GGACT: variants seen among roughly 807,000 people sequenced by gnomAD.
GGACT encodes gamma-glutamylaminecyclotransferase.
For missense variants in GGACT, 241 were observed against 233.2 expected (o/e 1.03, Z -0.22); for synonymous variants, 118 against 115.3 (o/e 1.02, Z -0.15).
At chr13:100,559,507 A>AT (rs1424684562) in intron 2 of GGACT, among the ~76,000 whole-genome samples, 1 of 149,464 alleles carries the variant, frequency 6.7e-6, no homozygotes, top group Non-Finnish European at 1.5e-5. Context: ...ATTTTTATTT[A>AT]TTTTTGAGAC....
intron 2 of GGACT, chr13:100,580,188 G>A (rs1388311832): frequency 6.6e-6 from 1 of 152,260 alleles, no homozygotes; most frequent in African/African-American, 2.4e-5. Context: ...ACAGAACAAA[G>A]GTCCCCAGCA....
At position 100,532,421 on chromosome 13, in the gene GGACT, G is replaced by A. The variant is rs753609413; in HGVS notation, c.171C>T (p.Pro57=). The change falls in exon 3 of 3, where the codon CCC becomes CCT. Residue 57 remains proline, a synonymous_variant. Transcript: ENST00000683975. The part of the protein sequence containing the change: ...EHNIPWLLHL[P]GSGRLVEGEV... ...CGCCCTCCACGAGGCGCCCCGAGCCGGGCAGGTGCAGCAGCCACGGGATGT... is the reference window on the plus strand; with the variant it reads ...CGCCCTCCACGAGGCGCCCCGAGCCAGGCAGGTGCAGCAGCCACGGGATGT... 2.1e-5 allele frequency: 33 copies of A among 1,549,946 alleles called. No individual in the cohort carries two copies. Among genetic ancestry groups the A allele is most frequent in the South Asian group, 5.9e-5 (5 of 84,064 alleles).
At position 100,530,248 on chromosome 13, in the gene GGACT, T is replaced by C. The variant is rs2088307005; in HGVS notation, c.*1882A>G. 1 of 1,095,716 alleles carries C rather than the reference T, an allele frequency of 9.1e-7. No homozygotes were observed. The highest frequency in any genetic ancestry group is 1.8e-5 in the Admixed American group (1 of 56,320). The allele number at this position is 1,095,716 out of a possible 1,614,324, so 67.9% of individuals were successfully genotyped here. On this transcript the variant is annotated 3_prime_UTR_variant, in exon 3 of 3. Transcript: ENST00000683975. ...TCACACACAATTGATTCAAGCATTA[T>C]ACAGGAACACCCCTGTGCAGCTACG...
intron 2 of GGACT, among the ~76,000 whole-genome samples, chr13:100,558,595 T>G (rs1360526531): frequency 6.6e-6 from 1 of 152,230 alleles, no homozygotes; most frequent in East Asian, 1.9e-4. Flanking sequence ...TGACAGTGTC[T>G]TTAAAGTTAA....
chr13:100,560,173 G>A (rs78305070), intron 2 of GGACT, among the ~76,000 whole-genome samples: 103 of 152,210 alleles, frequency 6.8e-4, no homozygotes, highest in African/African-American at 2.4e-3. Context: ...GAATGCGGTC[G>A]TGATTACATG....
At chr13:100,565,650 A>G (rs1280397726) in intron 2 of GGACT, among the ~76,000 whole-genome samples, 2 of 151,948 alleles carry the variant, frequency 1.3e-5, no homozygotes, top group African/African-American at 4.8e-5. Flanking sequence ...TTCCCCACTC[A>G]ATTCTGTCCT....
At chr13:100,576,289 A>G (rs1223627292) in intron 2 of GGACT, among the ~76,000 whole-genome samples, 1 of 152,262 alleles carries the variant, frequency 6.6e-6, no homozygotes, top group Non-Finnish European at 1.5e-5. Flanking sequence ...CACCAAATTG[A>G]TAACATGAGA....
rs1463727929 is a variant in GGACT, at chr13:100,530,209, T to C, written c.*1921A>G. The C allele has an allele frequency of 2.1e-6, 3 of 1,432,762 alleles. No homozygotes were observed. In the East Asian group the frequency reaches 6.8e-5, roughly 33 times the overall value. 88.8% of individuals were successfully genotyped at this position (1,432,762 alleles called of 1,614,324 possible). On this transcript the variant is annotated 3_prime_UTR_variant, in exon 3 of 3. Coordinates refer to ENST00000683975, the MANE Select transcript of GGACT (RefSeq NM_001195087.2). ...AGTCATCACCCAATTTAATTAGCCA[T>C]TTGCATGATGCTTTCACACACAATT...
At chr13:100,550,320 A>T (rs868519759) in intron 2 of GGACT, among the ~76,000 whole-genome samples, 6 of 118,750 alleles carry the variant, frequency 5.1e-5, no homozygotes, top group Non-Finnish European at 9.3e-5. Context: ...ACACACACAC[A>T]CACACACACA....
At chr13:100,543,442 G>A (rs1157015669) in intron 2 of GGACT, among the ~76,000 whole-genome samples, 1 of 152,014 alleles carries the variant, frequency 6.6e-6, no homozygotes, top group Non-Finnish European at 1.5e-5. Flanking sequence ...TCTTGACCTT[G>A]TGATCCGCCC....
At chr13:100,582,719 G>A (rs1352078298) in intron 2 of GGACT, among the ~76,000 whole-genome samples, 1 of 152,186 alleles carries the variant, frequency 6.6e-6, no homozygotes, top group African/African-American at 2.4e-5. Flanking sequence ...TCTCCCTAGA[G>A]CCTCCAGACA....
chr13:100,572,028 G>T (rs989563313), intron 2 of GGACT, among the ~76,000 whole-genome samples: 2 of 152,120 alleles, frequency 1.3e-5, no homozygotes, highest in African/African-American at 4.8e-5. Context: ...AACCTTTTGT[G>T]TGCAGGAAAA....
chr13:100,576,467 T>A (rs556284216), intron 2 of GGACT, among the ~76,000 whole-genome samples: 1 of 152,204 alleles, frequency 6.6e-6, no homozygotes, highest in Non-Finnish European at 1.5e-5. Flanking sequence ...GATGAAAACT[T>A]TTCTTCAGAT....
At chr13:100,554,203 C>T (rs956327144) in intron 2 of GGACT, among the ~76,000 whole-genome samples, 1 of 152,146 alleles carries the variant, frequency 6.6e-6, no homozygotes, top group Non-Finnish European at 1.5e-5. Context: ...GTTGCCCACC[C>T]TTCCTTTATG....
At chr13:100,553,773 A>G (rs1341584131) in intron 2 of GGACT, among the ~76,000 whole-genome samples, 1 of 150,838 alleles carries the variant, frequency 6.6e-6, no homozygotes, top group Non-Finnish European at 1.5e-5. Context: ...GCACCAGTGA[A>G]GCAGAGGTTG....
At chr13:100,557,792 A>G (rs1465050751) in intron 2 of GGACT, among the ~76,000 whole-genome samples, 2 of 152,206 alleles carry the variant, frequency 1.3e-5, no homozygotes, top group Non-Finnish European at 2.9e-5. Context: ...TAGACAGAGA[A>G]AATATCTACA....
intron 2 of GGACT, among the ~76,000 whole-genome samples, chr13:100,582,995 C>A (rs776652095): frequency 5.9e-5 from 9 of 151,922 alleles, no homozygotes; most frequent in Non-Finnish European, 1.2e-4. Flanking sequence ...CTATTTTTTT[C>A]TTGGTAAAAA....
At chr13:100,550,094 G>A (rs895002658) in intron 2 of GGACT, among the ~76,000 whole-genome samples, 1 of 152,118 alleles carries the variant, frequency 6.6e-6, no homozygotes, top group Admixed American at 6.5e-5. Context: ...CCCTGAGCGA[G>A]CTTCTACAGC....
chr13:100,532,026 T>G lies in GGACT; in HGVS notation c.*104A>C, dbSNP rs938856291. 5.4e-5 allele frequency: 39 copies of G among 720,944 alleles called. No individual in the cohort carries two copies. Among genetic ancestry groups the G allele is most frequent in the Middle Eastern group, 8.7e-4 (2 of 2,312 alleles). The allele number at this position is 720,944 out of a possible 1,614,324, so 44.7% of individuals were successfully genotyped here. On this transcript the variant is annotated 3_prime_UTR_variant, in exon 3 of 3. Transcript: ENST00000683975. The stretch of plus-strand genomic sequence containing the variant: ...AAAGATTGGTTCCTTTCCGGCAGAT[T>G]CATTGGAAAGGGCCCTGTTCGGCTT...
Sources: gnomAD v4.1 joint callset for allele counts (sites outside exome capture counted in the v4.1 genomes callset) on GRCh38, gnomAD v4.1.1 for gene constraint, MANE v1.5 for transcripts, NCBI Gene and HGNC (gene_info 2026-07-23, HGNC 2026-07-21) for gene names.